PTPRB: variants seen among roughly 807,000 people sequenced by gnomAD.
PTPRB encodes receptor-type tyrosine-protein phosphatase beta.
Under a neutral mutation model 238.1 loss-of-function variants are expected in PTPRB, and 97 were observed. The observed-to-expected ratio is 0.41, with a 90% CI of 0.35 to 0.48. The LOEUF (loss-of-function observed/expected upper bound fraction) is 0.48. Ranked by LOEUF, PTPRB falls within the 20% of genes least tolerant of loss-of-function variation. The pLI is 0.30. For synonymous variants in PTPRB, 970 were observed against 995.4 expected (o/e 0.97, Z 0.48); for missense variants, 2,292 against 2,681.9 (o/e 0.85, Z 3.21).
intron 21 of PTPRB, among the ~76,000 whole-genome samples, chr12:70,549,685 G>C (rs904557058): frequency 6.6e-6 from 1 of 152,152 alleles, no homozygotes; most frequent in African/African-American, 2.4e-5. Flanking sequence ...ATTCTGACTG[G>C]ACTGAGTTCA....
rs1350418104 is a variant in PTPRB at position 70,626,349 on chromosome 12, ATC to A, written c.452-3705_452-3704del. Among the ~76,000 whole-genome samples the A allele has an allele frequency of 1.9e-3, 277 of 142,070 alleles. 1 individual carries two copies. Among genetic ancestry groups the A allele is most frequent in the Non-Finnish European group, 2.5e-3 (167 of 67,116 alleles). 93.2% of individuals were successfully genotyped at this position (142,070 alleles called of 152,430 possible). A position where few individuals can be genotyped will look rare whatever the true frequency, so the allele number is the denominator to read the frequency against. ...TATCTATCTATCTATCTATCTATCT[ATC>A]TATCTATCTATCTATATTCCTGCCT... On this transcript the variant is annotated intron_variant, in intron 2 of 33. Coordinates refer to ENST00000334414, the MANE Select transcript of PTPRB (RefSeq NM_001109754.4).
chr12:70,630,334 T>C (rs1014502211), intron 2 of PTPRB, among the ~76,000 whole-genome samples: 28 of 152,130 alleles, frequency 1.8e-4, no homozygotes, highest in Admixed American at 2.0e-4. Context: ...ATTATCTCAA[T>C]AGATGCAGAA....
intron 21 of PTPRB, among the ~76,000 whole-genome samples, chr12:70,549,118 T>C (rs1163130385): frequency 1.3e-5 from 2 of 152,228 alleles, no homozygotes; most frequent in Non-Finnish European, 2.9e-5. Flanking sequence ...ACAACACGTA[T>C]TGCCAGATAA....
rs1884988075 is a variant in PTPRB, at chr12:70,622,535, G to A, written c.563C>T (p.Thr188Ile). The change falls in exon 3 of 34, where the codon ACC becomes ATC. Residue 188 changes from threonine to isoleucine, a missense_variant. By Grantham distance (89) the Thr-to-Ile change is moderately conservative. This residue lies in a region of PTPRB where 1,205 missense variants were observed against 1,287.8 expected (regional missense o/e 0.94). Coordinates refer to ENST00000334414, the MANE Select transcript of PTPRB (RefSeq NM_001109754.4). ...PDGLVFLIRN[T>I]TEAFIRNAAE... Reference sequence around the variant, plus strand: ...AGCATTTCTGATGAAGGCCTCTGTGGTATTCCTAATAAGGAATACCAGGCC... The same window carrying A: ...AGCATTTCTGATGAAGGCCTCTGTGATATTCCTAATAAGGAATACCAGGCC... The A allele has an allele frequency of 6.2e-7, 1 of 1,611,372 alleles. No individual in the cohort carries two copies. Among genetic ancestry groups the A allele is most frequent in the Non-Finnish European group, 8.5e-7 (1 of 1,178,624 alleles).
intron 31 of PTPRB, among the ~76,000 whole-genome samples, chr12:70,533,452 C>CATTA (rs941910798): frequency 1.3e-5 from 2 of 152,028 alleles, no homozygotes; most frequent in Non-Finnish European, 2.9e-5. Flanking sequence ...TTGCTGCAAA[C>CATTA]ATTAATTTGC....
chr12:70,616,369 G>T (rs761527228), intron 3 of PTPRB, among the ~76,000 whole-genome samples: 1 of 152,180 alleles, frequency 6.6e-6, no homozygotes, highest in Non-Finnish European at 1.5e-5. Context: ...TTTATCTGAT[G>T]TCCTTGTGAT....
At chr12:70,612,296 T>C (rs1884490697) in intron 3 of PTPRB, among the ~76,000 whole-genome samples, 1 of 152,158 alleles carries the variant, frequency 6.6e-6, no homozygotes, top group Non-Finnish European at 1.5e-5. Context: ...CTTTTAAAAG[T>C]ACAAAACTTA....
chr12:70,563,873 T>G (rs976166248), intron 15 of PTPRB, among the ~76,000 whole-genome samples: 10 of 152,172 alleles, frequency 6.6e-5, no homozygotes, highest in African/African-American at 2.4e-4. Flanking sequence ...AAGTGCCACT[T>G]AAGCTAATGC....
chr12:70,534,332 G>A (rs1459332669), intron 31 of PTPRB, among the ~76,000 whole-genome samples, 156 bp downstream of exon 31: 1 of 152,136 alleles, frequency 6.6e-6, no homozygotes, highest in Non-Finnish European at 1.5e-5. Context: ...TGGCAGAAGG[G>A]GAGGAACGTT....
At position 70,552,696 on chromosome 12, in the gene PTPRB, G is replaced by A. The variant is rs571989496; in HGVS notation, c.5387+81C>T. On this transcript the variant is annotated intron_variant, in intron 21 of 33. Transcript: ENST00000334414. ...GTAGGTTATTAATCTATGGAAGCTCGCATGCATCAGTTGCTCAGACAGCTG... is the reference window on the plus strand; with the variant it reads ...GTAGGTTATTAATCTATGGAAGCTCACATGCATCAGTTGCTCAGACAGCTG... The A allele has an allele frequency of 5.8e-4, 878 of 1,516,954 alleles. 3 individuals are homozygous for A. In the African/African-American group the frequency reaches 5.8e-3, roughly 10 times the overall value. The allele number at this position is 1,516,954 out of a possible 1,614,324, so 94.0% of individuals were successfully genotyped here.
At chr12:70,538,824 T>C in intron 27 of PTPRB, 100 bp downstream of exon 27, 1 of 922,782 alleles carries the variant, frequency 1.1e-6, no homozygotes, top group South Asian at 1.5e-5. Flanking sequence ...ATTGTCCATA[T>C]CGAGCTATAT....
At chr12:70,529,813 C>T (rs975473492) in intron 32 of PTPRB, among the ~76,000 whole-genome samples, 1 of 152,092 alleles carries the variant, frequency 6.6e-6, no homozygotes, top group Non-Finnish European at 1.5e-5. Context: ...TGTCAGTTTC[C>T]TCAGCGCTGA....
At position 70,576,662 on chromosome 12, in the gene PTPRB, T is replaced by TA. The variant is rs1555230172; in HGVS notation, c.2579-18_2579-17insT. ...TGGAAGGGACTGTGATTTTGAAAGGTGGGGGGCGGGGGGGGGGGGGAAGGG... is the reference window on the plus strand; with the variant it reads ...TGGAAGGGACTGTGATTTTGAAAGGTAGGGGGGCGGGGGGGGGGGGGAAGGG... On this transcript the variant is annotated splice_polypyrimidine_tract_variant and intron_variant, in intron 10 of 33. Coordinates refer to ENST00000334414, the MANE Select transcript of PTPRB (RefSeq NM_001109754.4). 3.1e-3 allele frequency: 47 copies of TA among 15,292 alleles called. 1 individual carries two copies. Among genetic ancestry groups the TA allele is most frequent in the Non-Finnish European group, 4.4e-3 (43 of 9,698 alleles). The allele number at this position is 15,292 out of a possible 1,614,324, so 0.9% of individuals were successfully genotyped here.
chr12:70,636,033 T>C lies in PTPRB; in HGVS notation c.89A>G (p.Gln30Arg), dbSNP rs779982742. 6.2e-7 allele frequency: 1 copy of C among 1,613,358 alleles called. No individual in the cohort carries two copies. The highest frequency in any genetic ancestry group is 1.1e-5 in the South Asian group (1 of 90,948). The change falls in exon 2 of 34, where the codon CAG becomes CGG. Residue 30 changes from glutamine (Q) to arginine (R), a missense_variant. By Grantham distance (43) the Gln-to-Arg change is conservative (BLOSUM62 1). Around this residue, in one of 4 missense-constraint regions of PTPRB, gnomAD observed 1,205 missense variants for 1,287.8 expected, o/e 0.94. Coordinates refer to ENST00000334414, the MANE Select transcript of PTPRB (RefSeq NM_001109754.4). ...GFQIVHVQKQ[Q>R]CLFKNEKVVV... The stretch of plus-strand genomic sequence containing the variant: ...CACTTTCTCATTTTTGAAAAGACAC[T>C]GTTGTTTCTGGACATGGACAATCTG...
At chr12:70,582,108 TATC>T (rs1275780134) in intron 9 of PTPRB, among the ~76,000 whole-genome samples, 1 of 152,158 alleles carries the variant, frequency 6.6e-6, no homozygotes, top group African/African-American at 2.4e-5. Flanking sequence ...TCTTCCAACT[TATC>T]ATTTAACAAA....
rs539059016 is a variant in PTPRB at position 70,616,019 on chromosome 12, C to T, written c.708+6371G>A. 2.0e-5 allele frequency among the ~76,000 whole-genome samples: 3 copies of T among 151,908 alleles called. No homozygotes were observed. The East Asian group carries it at 5.8e-4, about 29-fold the overall frequency. ...TTTTGTCAACGATCTCAATAATATC[C>T]TTTTTTTTGCTTGTTTTCTCTCTAG... On this transcript the variant is annotated intron_variant, in intron 3 of 33. Coordinates refer to ENST00000334414, the MANE Select transcript of PTPRB (RefSeq NM_001109754.4).
At chr12:70,616,610 G>A (rs537748743) in intron 3 of PTPRB, among the ~76,000 whole-genome samples, 2 of 152,272 alleles carry the variant, frequency 1.3e-5, no homozygotes, top group South Asian at 4.2e-4. Context: ...CTTCCCAGGT[G>A]ATTCCGATAT....
At chr12:70,563,347 G>C (rs1878761741) in intron 15 of PTPRB, among the ~76,000 whole-genome samples, 1 of 152,188 alleles carries the variant, frequency 6.6e-6, no homozygotes, top group Admixed American at 6.5e-5. Context: ...CCACCTCCTT[G>C]CAAACTGCTG....
At chr12:70,580,527 T>A (rs887228032) in intron 10 of PTPRB, among the ~76,000 whole-genome samples, 6 of 152,150 alleles carry the variant, frequency 3.9e-5, no homozygotes, top group Admixed American at 1.3e-4. Context: ...ATTGGAGATG[T>A]TAAAATATTC....
Sources: gnomAD v4.1 joint callset for allele counts (sites outside exome capture counted in the v4.1 genomes callset) on GRCh38, gnomAD v4.1.1 for gene constraint, gnomAD v4.1.1 regional missense constraint, MANE v1.5 for transcripts, NCBI Gene and HGNC (gene_info 2026-07-23, HGNC 2026-07-21) for gene names.